The following MIGA1 variants were observed in gnomAD, a reference collection of about 807,000 sequenced individuals.
MIGA1 encodes the protein mitoguardin 1, also known as family with sequence similarity 73, member A.
Under a neutral mutation model 82.0 loss-of-function variants are expected in MIGA1, and 58 were observed. The ratio of observed to expected loss-of-function variants is 0.71; its 90% CI spans 0.57 to 0.88. The LOEUF (loss-of-function observed/expected upper bound fraction) is 0.88. MIGA1 is among the 40% of genes least tolerant of loss of function. MIGA1 has a pLI of 0.00. For missense variants in MIGA1, 751 were observed against 749.1 expected, an observed-to-expected ratio of 1.00 and a Z score of -0.03; for synonymous variants, 249 against 253.6, an observed-to-expected ratio of 0.98 and a Z score of 0.17.
chr1:77,869,979 C>A (rs1685874792), intron 14 of MIGA1, among the ~76,000 whole-genome samples: 1 of 135,532 alleles, frequency 7.4e-6, no homozygotes, highest in African/African-American at 2.8e-5. Context: ...CCCCCCACCT[C>A]CCTCCCGGAT....
chr1:77,863,108 C>G (rs1685532792), intron 12 of MIGA1, among the ~76,000 whole-genome samples: 1 of 152,206 alleles, frequency 6.6e-6, no homozygotes, highest in Non-Finnish European at 1.5e-5. Context: ...GGCCAGCAAC[C>G]TGAGACTCAT....
chr1:77,859,520 T>C (rs540996346), intron 10 of MIGA1, 134 bp downstream of exon 10: 1 of 621,702 alleles, frequency 1.6e-6, no homozygotes, highest in Admixed American at 2.7e-5. Context: ...TAAAGTCCAC[T>C]AAACTTATTT....
At chr1:77,852,954 G>A (rs1024948737) in intron 8 of MIGA1, among the ~76,000 whole-genome samples, 1 of 152,178 alleles carries the variant, frequency 6.6e-6, no homozygotes, top group African/African-American at 2.4e-5. Flanking sequence ...GCCTCCCAAA[G>A]TGCTGGGATT....
intron 8 of MIGA1, among the ~76,000 whole-genome samples, chr1:77,844,113 A>AATATAT (rs869208869): frequency 4.7e-4 from 42 of 90,100 alleles, no homozygotes; most frequent in South Asian, 4.4e-3. Flanking sequence ...AAAAAAAAAA[A>AATATAT]ATATATATAT....
chr1:77,861,659 T>A, intron 12 of MIGA1: 1 of 212,848 alleles, frequency 4.7e-6, no homozygotes, highest in Non-Finnish European at 9.3e-6. Context: ...CTTTGGGTAG[T>A]ACAACAGCAG....
Position 77,822,044 on chromosome 1 carries a change from C to T in MIGA1, c.895+6813C>T, listed in dbSNP as rs529746622. 7.2e-5 allele frequency among the ~76,000 whole-genome samples: 11 copies of T among 152,142 alleles called. No homozygotes were observed. The South Asian group carries it at 2.3e-3, about 31-fold the overall frequency. On this transcript the variant is annotated intron_variant, in intron 7 of 15. Transcript: ENST00000370791. ...CTTAAATCTTACCTTACACACCACACACACACATACACACACAATCACTCT... is the reference window on the plus strand; with the variant it reads ...CTTAAATCTTACCTTACACACCACATACACACATACACACACAATCACTCT...
At chr1:77,850,768 A>G (rs531641695) in intron 8 of MIGA1, among the ~76,000 whole-genome samples, 1 of 152,098 alleles carries the variant, frequency 6.6e-6, no homozygotes, top group Non-Finnish European at 1.5e-5. Flanking sequence ...CCCCAAACAC[A>G]GTTTTCACTG....
intron 14 of MIGA1, among the ~76,000 whole-genome samples, chr1:77,870,977 T>A (rs956121594): frequency 6.7e-6 from 1 of 149,972 alleles, no homozygotes; most frequent in Non-Finnish European, 1.5e-5. Context: ...TCGCAGGCAC[T>A]CGGCAGGCTG....
chr1:77,811,448 C>T, intron 5 of MIGA1: 3 of 1,548,776 alleles, frequency 1.9e-6, no homozygotes, highest in South Asian at 2.2e-5. Flanking sequence ...ACAGGCTGAA[C>T]ATCAAATGGG....
At chr1:77,789,882 T>C (rs2101704998) in intron 2 of MIGA1, among the ~76,000 whole-genome samples, 1 of 152,246 alleles carries the variant, frequency 6.6e-6, no homozygotes, top group East Asian at 1.9e-4. Flanking sequence ...CATGAGTCAA[T>C]TCAGATTACA....
At chr1:77,817,364 C>T (rs773191757) in intron 7 of MIGA1, among the ~76,000 whole-genome samples, 6 of 152,104 alleles carry the variant, frequency 3.9e-5, no homozygotes, top group Non-Finnish European at 7.4e-5. Context: ...TATTGTTAAT[C>T]TGGAGCTCTA....
intron 8 of MIGA1, among the ~76,000 whole-genome samples, chr1:77,845,413 A>G (rs1008449333): frequency 1.3e-5 from 2 of 152,152 alleles, no homozygotes; most frequent in African/African-American, 2.4e-5. Flanking sequence ...TAATTGCTCT[A>G]AAGTTTTTTT....
At chr1:77,825,132 G>A (rs1460878209) in intron 7 of MIGA1, among the ~76,000 whole-genome samples, 2 of 151,710 alleles carry the variant, frequency 1.3e-5, no homozygotes, top group Non-Finnish European at 2.9e-5. Context: ...GAGACTGCAG[G>A]TGCGCTGGGG....
rs1317381638 is a variant in MIGA1, at chr1:77,878,113, G to A, written c.*3049G>A. 1.3e-5 allele frequency: 2 copies of A among 152,166 alleles called. No individual in the cohort carries two copies. Among genetic ancestry groups the A allele is most frequent in the African/African-American group, 4.8e-5 (2 of 41,426 alleles). The allele number at this position is 152,166 out of a possible 1,614,324, so 9.4% of individuals were successfully genotyped here. On this transcript the variant is annotated 3_prime_UTR_variant, in exon 16 of 16. Transcript: ENST00000370791. ...AGGGTACTTAAGACATATATAACAG[G>A]CCAGGAGCAGTGGCTCACGCCTGTA...
intron 7 of MIGA1, among the ~76,000 whole-genome samples, chr1:77,827,608 CAGA>C (rs1291774665): frequency 6.6e-6 from 1 of 152,170 alleles, no homozygotes; most frequent in Non-Finnish European, 1.5e-5. Flanking sequence ...TTGTCCAGCT[CAGA>C]AGGAGTGAGA....
chr1:77,835,742 G>A (rs1039772920), intron 7 of MIGA1, among the ~76,000 whole-genome samples: 2 of 152,148 alleles, frequency 1.3e-5, no homozygotes, highest in African/African-American at 2.4e-5. Flanking sequence ...GAGGTCAGGA[G>A]ATTGAGACCA....
intron 7 of MIGA1, among the ~76,000 whole-genome samples, chr1:77,822,303 G>C (rs1276097534): frequency 6.6e-6 from 1 of 152,130 alleles, no homozygotes; most frequent in Non-Finnish European, 1.5e-5. Context: ...ACTCACACCT[G>C]TAGCCCTAGT....
intron 7 of MIGA1, among the ~76,000 whole-genome samples, chr1:77,833,315 T>C (rs1684313325): frequency 6.6e-6 from 1 of 152,230 alleles, no homozygotes; most frequent in African/African-American, 2.4e-5. Flanking sequence ...TTTGGCTTAG[T>C]AATTTCCTCC....
In MIGA1 at chr1:77,859,027, A is replaced by C. The variant is rs779059672; in HGVS notation, c.1086A>C (p.Glu362Asp). The C allele has an allele frequency of 1.1e-5, 17 of 1,612,776 alleles. No individual in the cohort carries two copies. Among genetic ancestry groups the C allele is most frequent in the Non-Finnish European group, 1.3e-5 (15 of 1,178,758 alleles). The change falls in exon 9 of 16, where the codon GAA (glutamate) becomes GAC (aspartate). Residue 362 changes from glutamate to aspartate, a missense_variant. Physicochemically the swap from Glu to Asp is conservative, Grantham distance 45 (BLOSUM62 2). Around this residue, in one of 3 missense-constraint regions of MIGA1, gnomAD observed 482 missense variants for 439.4 expected, o/e 1.10. Coordinates refer to ENST00000370791, the MANE Select transcript of MIGA1 (RefSeq NM_198549.4). The stretch of plus-strand genomic sequence containing the variant: ...ACGAGGAAGCCATGCATTTAGTTGA[A>C]GAAGGAAAAATTTACTCCAGAGTAC...
Sources: gnomAD v4.1 joint callset for allele counts (sites outside exome capture counted in the v4.1 genomes callset) on GRCh38, gnomAD v4.1.1 for gene constraint, gnomAD v4.1.1 regional missense constraint, MANE v1.5 for transcripts, NCBI Gene and HGNC (gene_info 2026-07-23, HGNC 2026-07-21) for gene names.